TUSC3: variants seen among roughly 807,000 people sequenced by gnomAD.
TUSC3 encodes tumor suppressor candidate 3.
A neutral mutation model predicts 44.8 loss-of-function variants in TUSC3; 45 were observed. The observed-to-expected ratio is 1.00, with a 90% CI of 0.79 to 1.29. The LOEUF (loss-of-function observed/expected upper bound fraction) is 1.29, where lower values mean the gene tolerates loss of function less well. TUSC3 is among the 50% of genes most tolerant of loss of function. TUSC3 has a pLI of 0.00. For missense variants in TUSC3, 519 were observed against 437.9 expected (o/e 1.19, Z -1.65); for synonymous variants, 212 against 152.9 (o/e 1.39, Z -2.85).
intron 10 of TUSC3, among the ~76,000 whole-genome samples, chr8:15,762,032 A>G (rs533992731): frequency 5.3e-5 from 8 of 152,066 alleles, no homozygotes; most frequent in Admixed American, 2.0e-4. Flanking sequence ...ACTGGAACAT[A>G]CTTTGGAAAT....
the TUSC3 span, among the ~76,000 whole-genome samples, chr8:15,836,311 AC>A: frequency 3.4e-5 from 5 of 148,030 alleles, no homozygotes; most frequent in Non-Finnish European, 7.4e-5. Flanking sequence ...CTCTGCCTCT[AC>A]TAAAAATACT....
Position 15,519,923 on chromosome 8 carries a change from A to G in TUSC3, n.189+36440A>G, listed in dbSNP as rs17121594. Among the ~76,000 whole-genome samples, 1,317 of 152,316 alleles carry G rather than the reference A, an allele frequency of 8.6e-3. 13 individuals are homozygous for G. The highest frequency in any genetic ancestry group is 0.03 in the African/African-American group (1,257 of 41,584). On this transcript the variant is annotated intron_variant and non_coding_transcript_variant, in intron 2 of 5. Transcript: ENST00000503191. Reference sequence around the variant, plus strand: ...TATTGTCATAGCTACTATAACTCTCAATATACCTAAATGGAGAGATTGGAG... The same window carrying G: ...TATTGTCATAGCTACTATAACTCTCGATATACCTAAATGGAGAGATTGGAG...
the TUSC3 span, among the ~76,000 whole-genome samples, chr8:15,839,876 G>C: frequency 3.9e-5 from 6 of 152,214 alleles, no homozygotes; most frequent in East Asian, 7.7e-4. Flanking sequence ...CCCATTACTG[G>C]GTATATACCC....
chr8:15,839,609 A>C, the TUSC3 span, among the ~76,000 whole-genome samples: 1 of 152,378 alleles, frequency 6.6e-6, no homozygotes, highest in East Asian at 1.9e-4. Context: ...TTATGCAGCC[A>C]ACAGATACAT....
upstream of TUSC3, chr8:15,540,254 T>G (rs2129132345): frequency 1.1e-6 from 1 of 872,736 alleles, no homozygotes; most frequent in East Asian, 3.4e-5. Flanking sequence ...GTGAACCGGA[T>G]GCTCTGTCAG....
chr8:15,713,861 A>G (rs1019083161), intron 6 of TUSC3, among the ~76,000 whole-genome samples: 2 of 152,150 alleles, frequency 1.3e-5, no homozygotes, highest in African/African-American at 4.8e-5. Flanking sequence ...TTCAGCCTCT[A>G]ACAGAGCAAT....
intron 2 of TUSC3, among the ~76,000 whole-genome samples, chr8:15,490,095 AT>A (rs931031307): frequency 2.6e-5 from 4 of 152,182 alleles, no homozygotes; most frequent in Non-Finnish European, 5.9e-5. Flanking sequence ...ATTTGTTAGA[AT>A]TTTTTGTTTG....
chr8:15,470,030 A>C (rs890344129), intron 1 of TUSC3, among the ~76,000 whole-genome samples: 3 of 152,066 alleles, frequency 2.0e-5, no homozygotes, highest in Non-Finnish European at 4.4e-5. Flanking sequence ...CTAAGGAAGG[A>C]AGATCGCTTG....
chr8:15,843,381 T>TAA, the TUSC3 span, among the ~76,000 whole-genome samples: 5 of 152,124 alleles, frequency 3.3e-5, no homozygotes, highest in Non-Finnish European at 7.4e-5. Flanking sequence ...CCATGCTACA[T>TAA]GTTTTAAGAA....
At chr8:15,501,769 G>A (rs892226074) in intron 2 of TUSC3, among the ~76,000 whole-genome samples, 1 of 152,144 alleles carries the variant, frequency 6.6e-6, no homozygotes, top group Non-Finnish European at 1.5e-5. Context: ...ATATCTAACA[G>A]GATGCTGATT....
chr8:15,711,463 C>CGTGT (rs36058270), intron 6 of TUSC3, among the ~76,000 whole-genome samples: 29,203 of 144,748 alleles, frequency 0.2, 3,293 homozygotes, highest in Non-Finnish European at 0.27. Flanking sequence ...CAAAAAGGTA[C>CGTGT]GTGTGTGTGT....
chr8:15,462,502 A>G (rs1024225619), intron 1 of TUSC3, among the ~76,000 whole-genome samples: 1 of 152,082 alleles, frequency 6.6e-6, no homozygotes, highest in Non-Finnish European at 1.5e-5. Flanking sequence ...CATAGCCTCT[A>G]CACAACGACT....
chr8:15,519,955 A>G (rs1012695144), intron 2 of TUSC3, among the ~76,000 whole-genome samples: 1 of 152,206 alleles, frequency 6.6e-6, no homozygotes, highest in Non-Finnish European at 1.5e-5. Context: ...GGAGGGACCT[A>G]TGGATAAAAG....
intron 1 of TUSC3, among the ~76,000 whole-genome samples, chr8:15,474,793 G>T (rs1800552405): frequency 6.6e-6 from 1 of 152,044 alleles, no homozygotes; most frequent in African/African-American, 2.4e-5. Flanking sequence ...TTTAGAAGTT[G>T]GTGTTTATTT....
At position 15,675,881 on chromosome 8, in the gene TUSC3, A is replaced by C. The variant is rs115598747; in HGVS notation, c.798+2045A>C. On this transcript the variant is annotated intron_variant, in intron 6 of 10. Transcript: ENST00000503731. Reference sequence around the variant, plus strand: ...TTCCATATCTTTGGTATTGAGAATAATGCTGCAATGAACATACAAGTGTAT... The same window carrying C: ...TTCCATATCTTTGGTATTGAGAATACTGCTGCAATGAACATACAAGTGTAT... 4.6e-3 allele frequency among the ~76,000 whole-genome samples: 701 copies of C among 152,242 alleles called. 5 individuals are homozygous for C. The highest frequency in any genetic ancestry group is 0.016 in the African/African-American group (675 of 41,550).
rs1348093425 is a variant in TUSC3 at position 15,588,752 on chromosome 8, T to C, written c.139-34328T>C. Among the ~76,000 whole-genome samples, 3 of 152,172 alleles carry C rather than the reference T, an allele frequency of 2.0e-5. No individual in the cohort carries two copies. The East Asian group carries it at 5.8e-4, about 29-fold the overall frequency. ...GTATATGGTGAGAGACAGGGTCCAG[T>C]TCACTTTCTGCATATGGATGGATAG... On this transcript the variant is annotated intron_variant, in intron 1 of 10. Coordinates refer to ENST00000503731, the MANE Select transcript of TUSC3 (RefSeq NM_006765.4).
chr8:15,735,369 T>C (rs1279004644), intron 7 of TUSC3, among the ~76,000 whole-genome samples: 1 of 152,180 alleles, frequency 6.6e-6, no homozygotes, highest in Admixed American at 6.5e-5. Flanking sequence ...CTATGTGTTG[T>C]AGGATAGAAA....
At chr8:15,592,143 G>T (rs1482578175) in intron 1 of TUSC3, among the ~76,000 whole-genome samples, 1 of 152,186 alleles carries the variant, frequency 6.6e-6, no homozygotes, top group African/African-American at 2.4e-5. Flanking sequence ...CTAGATTCTT[G>T]ACTTGAATAG....
chr8:15,709,350 C>A (rs1227978962), intron 6 of TUSC3, among the ~76,000 whole-genome samples: 5 of 151,864 alleles, frequency 3.3e-5, no homozygotes, highest in African/African-American at 1.2e-4. Flanking sequence ...TTACCCCAAT[C>A]CAAGTATGAG....
Sources: allele counts gnomAD v4.1 joint callset (sites outside exome capture counted in the v4.1 genomes callset), GRCh38; gene constraint gnomAD v4.1.1; transcripts MANE v1.5; gene names NCBI Gene and HGNC (gene_info 2026-07-23, HGNC 2026-07-21).